Variants in KCNIP1 observed in about 807,000 individuals in gnomAD.
KCNIP1 encodes A-type potassium channel modulatory protein KCNIP1.
In KCNIP1, 18 loss-of-function variants were observed where a neutral mutation model predicts 33.0. The observed-to-expected ratio is 0.55, with a 90% confidence interval of 0.38 to 0.81. KCNIP1 has a LOEUF of 0.81. KCNIP1 is among the 30% of genes least tolerant of loss of function. The probability of loss-of-function intolerance (pLI) is 0.00; values close to 1 mark genes in which losing one functional copy is unlikely to be tolerated. For missense variants in KCNIP1, 238 were observed against 271.6 expected, an observed-to-expected ratio of 0.88 and a Z score of 0.87; for synonymous variants, 93 against 98.3, an observed-to-expected ratio of 0.95 and a Z score of 0.32.
chr5:170,483,762 T>C (rs1757026244), intron 1 of KCNIP1: 1 of 152,192 alleles, frequency 6.6e-6, no homozygotes, highest in African/African-American at 2.4e-5. Context: ...GATTCCCAAA[T>C]AGGTGCAAAT....
At chr5:170,405,146 C>G (rs958663347) in intron 1 of KCNIP1, among the ~76,000 whole-genome samples, 3 of 151,630 alleles carry the variant, frequency 2.0e-5, no homozygotes, top group Admixed American at 2.0e-4. Context: ...GCCAAATTGC[C>G]CTGCAAAATT....
At chr5:170,553,955 G>A (rs893595677) in intron 1 of KCNIP1, among the ~76,000 whole-genome samples, 1 of 152,190 alleles carries the variant, frequency 6.6e-6, no homozygotes, top group Admixed American at 6.5e-5. Flanking sequence ...AAGGCAGAAA[G>A]GCAATGTCAT....
At position 170,489,051 on chromosome 5, in the gene KCNIP1, A is replaced by T. The variant is rs913976934; in HGVS notation, c.88+135087A>T. The stretch of plus-strand genomic sequence containing the variant: ...CACTCGGGCTCTGAGCAGAAGGAAG[A>T]TTTCATTAGTGTTAGAGAGGAAGGA... On this transcript the variant is annotated intron_variant, in intron 1 of 7. Coordinates refer to the KCNIP1 transcript ENST00000377360. This position sits in a 1 kb window ranked among gnomAD's most constrained non-coding sequence, Gnocchi z 4.3. 6.6e-6 allele frequency among the ~76,000 whole-genome samples: 1 copy of T among 151,386 alleles called. No individual in the cohort carries two copies. Among genetic ancestry groups the T allele is most frequent in the African/African-American group, 2.4e-5 (1 of 41,386 alleles).
chr5:170,401,993 G>T (rs1266350469), intron 1 of KCNIP1, among the ~76,000 whole-genome samples: 4 of 152,164 alleles, frequency 2.6e-5, no homozygotes, highest in Non-Finnish European at 5.9e-5. Flanking sequence ...GCTCTAAGGG[G>T]AAAATCCTTC....
intron 5 of KCNIP1, among the ~76,000 whole-genome samples, chr5:170,726,528 A>T (rs571680130): frequency 6.6e-6 from 1 of 152,286 alleles, no homozygotes; most frequent in South Asian, 2.1e-4. Context: ...GCTGGCAGAA[A>T]TGTAAATGGT....
At chr5:170,734,206 C>T (rs932752402) in intron 7 of KCNIP1, among the ~76,000 whole-genome samples, 2 of 151,702 alleles carry the variant, frequency 1.3e-5, no homozygotes, top group African/African-American at 2.4e-5. Context: ...TTTAGCCTGC[C>T]TCTGGCTTGA....
rs140117656 is a variant in KCNIP1 at position 170,693,443 on chromosome 5, G to A, written c.62-25315G>A. ...CTCTGGGTACCCATCTAATCCTCGT[G>A]AAGACCCTGAGAAGTGAGTGTTCTT... On this transcript the variant is annotated intron_variant, in intron 1 of 7. Transcript: ENST00000328939. 2.9e-3 allele frequency among the ~76,000 whole-genome samples: 446 copies of A among 152,292 alleles called. 1 individual carries two copies. The highest frequency in any genetic ancestry group is 0.01 in the African/African-American group (422 of 41,552).
chr5:170,432,695 T>G (rs111892552), intron 1 of KCNIP1, among the ~76,000 whole-genome samples: 4,818 of 151,140 alleles, frequency 0.032, 214 homozygotes, highest in African/African-American at 0.099. Context: ...TGGGACAAGA[T>G]GCAGTGAGCA....
chr5:170,555,221 C>T (rs1756803672), intron 1 of KCNIP1, among the ~76,000 whole-genome samples: 1 of 152,132 alleles, frequency 6.6e-6, no homozygotes, highest in African/African-American at 2.4e-5. Context: ...GCTCAGCCTA[C>T]TTTTTGACAG....
chr5:170,718,965 G>T, intron 2 of KCNIP1, 83 bp downstream of exon 2: 1 of 1,539,038 alleles, frequency 6.5e-7, no homozygotes. Flanking sequence ...GAGCTCATAA[G>T]GCGTTTCCCA....
intron 1 of KCNIP1, among the ~76,000 whole-genome samples, chr5:170,388,265 A>G (rs1764566581): frequency 6.6e-6 from 1 of 152,354 alleles, no homozygotes; most frequent in South Asian, 2.1e-4. Flanking sequence ...TTATAGAGTC[A>G]TGATAAATCC....
At chr5:170,649,853 G>T (rs1760965788) in intron 1 of KCNIP1, among the ~76,000 whole-genome samples, 1 of 152,192 alleles carries the variant, frequency 6.6e-6, no homozygotes, top group African/African-American at 2.4e-5. Context: ...TCATGAAAAG[G>T]TCAGGAAAGG....
chr5:170,652,069 G>A (rs1761064232), intron 1 of KCNIP1, among the ~76,000 whole-genome samples: 1 of 152,142 alleles, frequency 6.6e-6, no homozygotes, highest in African/African-American at 2.4e-5. Context: ...GCAATGAGGA[G>A]CTGGCTGGCT....
At chr5:170,598,420 C>A (rs1272206368) in intron 1 of KCNIP1, among the ~76,000 whole-genome samples, 2 of 152,168 alleles carry the variant, frequency 1.3e-5, no homozygotes, top group Non-Finnish European at 2.9e-5. Context: ...GGACACCTGG[C>A]TGTGGTCCCT....
chr5:170,412,964 C>T (rs538122000), intron 1 of KCNIP1, among the ~76,000 whole-genome samples: 26 of 152,186 alleles, frequency 1.7e-4, no homozygotes, highest in Non-Finnish European at 3.5e-4. Context: ...ATTTGTGTAT[C>T]TCCTGTCCCT....
At chr5:170,476,840 C>T (rs1439517634) in intron 1 of KCNIP1, among the ~76,000 whole-genome samples, 1 of 152,210 alleles carries the variant, frequency 6.6e-6, no homozygotes, top group Non-Finnish European at 1.5e-5. Flanking sequence ...AATATTCTCA[C>T]CACATCCTCG....
intron 1 of KCNIP1, among the ~76,000 whole-genome samples, chr5:170,616,424 G>C (rs1050188615): frequency 1.3e-5 from 2 of 152,158 alleles, no homozygotes; most frequent in South Asian, 4.1e-4. Flanking sequence ...TGACTGTCTC[G>C]ACAGATAGGA....
chr5:170,675,222 C>T (rs1762086382), intron 1 of KCNIP1, among the ~76,000 whole-genome samples: 1 of 151,806 alleles, frequency 6.6e-6, no homozygotes, highest in Non-Finnish European at 1.5e-5. Flanking sequence ...TCACTCGAGC[C>T]CAGGGGGCTG....
intron 1 of KCNIP1, among the ~76,000 whole-genome samples, chr5:170,410,503 CT>C (rs33956860): frequency 0.22 from 32,280 of 147,564 alleles, 4,133 homozygotes; most frequent in African/African-American, 0.37. Context: ...GGAAGGCTGG[CT>C]TTTTTTTTTT....
Sources: gnomAD v4.1 joint callset for allele counts (sites outside exome capture counted in the v4.1 genomes callset) on GRCh38, gnomAD v4.1.1 for gene constraint, Gnocchi (gnomAD v3.1) non-coding constraint, MANE v1.5 for transcripts, NCBI Gene and HGNC (gene_info 2026-07-23, HGNC 2026-07-21) for gene names.